PLCH1: variants seen among roughly 807,000 people sequenced by gnomAD.
PLCH1 encodes phospholipase C eta 1.
A neutral mutation model predicts 126.7 loss-of-function variants in PLCH1; 60 were observed. That is an observed-to-expected ratio of 0.47 (90% CI 0.38 to 0.59). The LOEUF is 0.59. Ranked by LOEUF, PLCH1 falls within the 20% of genes least tolerant of loss-of-function variation. The pLI is 0.00. For missense variants in PLCH1, 1,723 were observed against 2,040.0 expected (o/e 0.84, Z 2.99); for synonymous variants, 719 against 734.9 (o/e 0.98, Z 0.35).
At chr3:155,695,696 AAC>A (rs1228551554) in intron 2 of PLCH1, among the ~76,000 whole-genome samples, 1 of 152,242 alleles carries the variant, frequency 6.6e-6, no homozygotes, top group East Asian at 1.9e-4. Flanking sequence ...CAGTAATGAT[AAC>A]ACAATGAAGC....
chr3:155,699,608 T>C (rs1746108890), intron 2 of PLCH1, among the ~76,000 whole-genome samples: 1 of 152,196 alleles, frequency 6.6e-6, no homozygotes, highest in African/African-American at 2.4e-5. Context: ...CTGAAATCAA[T>C]TGGAACCCTA....
rs1167224743 is a variant in PLCH1 at position 155,510,311 on chromosome 3, C to A, written c.1632+4412G>T. ...TGATGGGTCTTGACTGTTTATCCAACTTGCCAGTCTGTGTCTTTTAATTGC... is the reference window on the plus strand; with the variant it reads ...TGATGGGTCTTGACTGTTTATCCAAATTGCCAGTCTGTGTCTTTTAATTGC... On this transcript the variant is annotated intron_variant, in intron 12 of 22. Transcript: ENST00000460012. 2.9e-3 allele frequency among the ~76,000 whole-genome samples: 229 copies of A among 78,778 alleles called. 6 individuals carry two copies. Among genetic ancestry groups the A allele is most frequent in the African/African-American group, 0.015 (210 of 13,948 alleles). The allele number at this position is 78,778 out of a possible 152,430, so 51.7% of individuals were successfully genotyped here. A position where few individuals can be genotyped will look rare whatever the true frequency, so the allele number is the denominator to read the frequency against.
chr3:155,636,542 G>A (rs1419383947), intron 2 of PLCH1, among the ~76,000 whole-genome samples: 2 of 152,004 alleles, frequency 1.3e-5, no homozygotes, highest in Non-Finnish European at 2.9e-5. Flanking sequence ...GAGGTCAAGA[G>A]TTCAAGACCA....
At chr3:155,642,306 T>C (rs1009431042) in intron 2 of PLCH1, among the ~76,000 whole-genome samples, 7 of 152,178 alleles carry the variant, frequency 4.6e-5, no homozygotes, top group African/African-American at 1.7e-4. Context: ...CTGCATTCTT[T>C]AGTATAATGA....
intron 21 of PLCH1, chr3:155,457,211 C>A: frequency 6.6e-6 from 1 of 152,592 alleles, no homozygotes; most frequent in Non-Finnish European, 1.5e-5. Flanking sequence ...AACCTCCATG[C>A]TTCTATGCTG....
chr3:155,682,718 T>G (rs2109018831), intron 2 of PLCH1, among the ~76,000 whole-genome samples: 1 of 152,108 alleles, frequency 6.6e-6, no homozygotes, highest in East Asian at 1.9e-4. Flanking sequence ...CCAAACACAG[T>G]GCTCTTTCCC....
chr3:155,683,507 A>G (rs550184535), intron 2 of PLCH1, among the ~76,000 whole-genome samples: 103 of 152,306 alleles, frequency 6.8e-4, no homozygotes, highest in Admixed American at 3.7e-3. Context: ...GCCAGGGAAC[A>G]CTAAAGCACA....
chr3:155,516,767 C>A (rs1471111066), intron 11 of PLCH1, among the ~76,000 whole-genome samples: 7 of 151,654 alleles, frequency 4.6e-5, no homozygotes, highest in Non-Finnish European at 4.4e-5. Context: ...AAAAAAAAAA[C>A]CATGTATTGT....
At chr3:155,514,909 T>C in intron 11 of PLCH1, 25 bp from the exon 12 acceptor site, 2 of 1,518,418 alleles carry the variant, frequency 1.3e-6, no homozygotes, top group Admixed American at 1.9e-5. Context: ...GTAACACAAA[T>C]GATTTCCTTA....
intron 4 of PLCH1, among the ~76,000 whole-genome samples, chr3:155,586,717 CG>C (rs1046658761): frequency 6.6e-6 from 1 of 151,756 alleles, no homozygotes; most frequent in Non-Finnish European, 1.5e-5. Flanking sequence ...AAAAAAGGGG[CG>C]GGGGGTGGTT....
intron 10 of PLCH1, among the ~76,000 whole-genome samples, chr3:155,526,241 G>C (rs531510217): frequency 1.3e-5 from 2 of 152,146 alleles, no homozygotes; most frequent in African/African-American, 4.8e-5. Context: ...AGCGTGGCCT[G>C]GACCTAGTGC....
At chr3:155,634,296 C>A (rs888781648) in intron 2 of PLCH1, among the ~76,000 whole-genome samples, 4 of 152,200 alleles carry the variant, frequency 2.6e-5, no homozygotes, top group African/African-American at 9.7e-5. Flanking sequence ...TACACCTGTG[C>A]CCTTAGAAAA....
At chr3:155,712,372 CA>C (rs1440180036) in intron 1 of PLCH1, among the ~76,000 whole-genome samples, 15 of 152,194 alleles carry the variant, frequency 9.9e-5, no homozygotes, top group African/African-American at 3.4e-4. Flanking sequence ...AAGCAAAACA[CA>C]AAACCTTTTC....
At chr3:155,561,831 G>A (rs936604713) in intron 8 of PLCH1, among the ~76,000 whole-genome samples, 4 of 152,136 alleles carry the variant, frequency 2.6e-5, no homozygotes, top group African/African-American at 9.7e-5. Flanking sequence ...GCCCAGGCTG[G>A]AGTGCAAAGG....
chr3:155,535,560 C>A (rs1723236948), intron 10 of PLCH1, among the ~76,000 whole-genome samples: 1 of 152,150 alleles, frequency 6.6e-6, no homozygotes. Context: ...CAGCCATAAT[C>A]CCCCTGGGAA....
rs189823846 is a variant in PLCH1 at position 155,721,127 on chromosome 3, T to A, written c.-40-16863A>T. Among the ~76,000 whole-genome samples the A allele has an allele frequency of 1.3e-3, 201 of 152,384 alleles. 1 individual carries two copies. The highest frequency in any genetic ancestry group is 2.4e-3 in the Non-Finnish European group (161 of 68,038). ...TGTTTTGGTGACTATGGCCTTGTAG[T>A]ATAGCTTGAAGTCAGGTAATAGGAT... On this transcript the variant is annotated intron_variant, in intron 1 of 22. Transcript: ENST00000460012.
At chr3:155,452,943 G>A (rs933532931) in intron 21 of PLCH1, among the ~76,000 whole-genome samples, 1 of 152,140 alleles carries the variant, frequency 6.6e-6, no homozygotes, top group African/African-American at 2.4e-5. Flanking sequence ...GCCTCACAAG[G>A]TATCTACTAT....
Position 155,596,286 on chromosome 3 carries a change from C to T in PLCH1, c.172G>A (p.Glu58Lys), listed in dbSNP as rs1161506244. ...CGCCATCGGAGGCGTGTCCGGTGCT[C>T]ATCCAGGTAAAAGAGGCGGACAAGC... ...KGLVRLFYLD[E>K]HRTRLRWRPS... Residue 58 changes from glutamate to lysine, a missense_variant, in exon 3 of 23, where the codon GAG (glutamate) becomes AAG (lysine). Physicochemically the swap from Glu to Lys is moderately conservative, Grantham distance 56. Coordinates refer to ENST00000460012, the MANE Select transcript of PLCH1 (RefSeq NM_014996.4). The T allele has an allele frequency of 1.9e-6, 3 of 1,613,294 alleles. No individual in the cohort carries two copies. The highest frequency in any genetic ancestry group is 1.3e-5 in the African/African-American group (1 of 74,894).
intron 2 of PLCH1, among the ~76,000 whole-genome samples, chr3:155,651,283 G>A (rs1577242306): frequency 1.3e-5 from 2 of 152,292 alleles, no homozygotes; most frequent in Middle Eastern, 6.8e-3. Flanking sequence ...AGCATTATTT[G>A]TAGAGCAAAA....
Sources: gnomAD v4.1 joint callset for allele counts (sites outside exome capture counted in the v4.1 genomes callset) on GRCh38, gnomAD v4.1.1 for gene constraint, MANE v1.5 for transcripts, NCBI Gene and HGNC (gene_info 2026-07-23, HGNC 2026-07-21) for gene names.